Variants in ACTN2 observed in about 807,000 individuals in gnomAD.
The protein encoded by ACTN2 is actinin alpha 2, also known as alpha-actinin-2.
A neutral mutation model predicts 113.8 loss-of-function variants in ACTN2; 39 were observed. The ratio of observed to expected loss-of-function variants is 0.34; its 90% CI spans 0.27 to 0.45. The LOEUF is 0.45. Among genes scored for constraint, ACTN2 ranks in the 20% least tolerant of loss-of-function variants. ACTN2 has a pLI of 1.00. For synonymous variants in ACTN2, 429 were observed against 444.1 expected, an observed-to-expected ratio of 0.97 and a Z score of 0.43; for missense variants, 992 against 1,177.9, an observed-to-expected ratio of 0.84 and a Z score of 2.31.
At chr1:236,711,464 T>C (rs1307042634) in intron 1 of ACTN2, among the ~76,000 whole-genome samples, 1 of 152,190 alleles carries the variant, frequency 6.6e-6, no homozygotes, top group African/African-American at 2.4e-5. Flanking sequence ...GATTCTTGCC[T>C]CAGTCTCCTG....
At chr1:236,759,462 T>C (rs958778910) in intron 18 of ACTN2, among the ~76,000 whole-genome samples, 8 of 152,172 alleles carry the variant, frequency 5.3e-5, no homozygotes, top group African/African-American at 1.9e-4. Context: ...TCCTGACTAG[T>C]TCCTTTTGCT....
intron 5 of ACTN2, among the ~76,000 whole-genome samples, chr1:236,727,086 G>A (rs1658573603): frequency 6.6e-6 from 1 of 152,124 alleles, no homozygotes; most frequent in Admixed American, 6.5e-5. Context: ...GGGGCATTTA[G>A]AGCTGGTGTC....
intron 1 of ACTN2, among the ~76,000 whole-genome samples, chr1:236,701,086 G>A (rs115903367): frequency 0.016 from 2,454 of 152,222 alleles, 20 homozygotes; most frequent in Middle Eastern, 0.054. Context: ...AGGTTTGTCC[G>A]GGACAATCCC....
At chr1:236,727,162 C>A (rs1245133691) in intron 5 of ACTN2, among the ~76,000 whole-genome samples, 1 of 134,954 alleles carries the variant, frequency 7.4e-6, no homozygotes, top group African/African-American at 2.7e-5. Flanking sequence ...CACCTACATG[C>A]CTTTGCCTTA....
At chr1:236,748,621 T>G (rs1286065724) in intron 13 of ACTN2, among the ~76,000 whole-genome samples, 1 of 152,220 alleles carries the variant, frequency 6.6e-6, no homozygotes, top group Admixed American at 6.5e-5. Context: ...AGAGGTGATC[T>G]GTGTTAAATC....
At chr1:236,691,378 C>A (rs895663388) in intron 1 of ACTN2, among the ~76,000 whole-genome samples, 1 of 152,022 alleles carries the variant, frequency 6.6e-6, no homozygotes, top group African/African-American at 2.4e-5. Flanking sequence ...TGCAGTGGCT[C>A]ATGCCTGTAA....
chr1:236,719,465 T>A (rs1658319597), intron 3 of ACTN2, among the ~76,000 whole-genome samples: 1 of 152,222 alleles, frequency 6.6e-6, no homozygotes, highest in African/African-American at 2.4e-5. Context: ...AGGGTAAAGA[T>A]GAGACTGTGT....
intron 10 of ACTN2, among the ~76,000 whole-genome samples, chr1:236,741,964 C>G (rs188011142): frequency 5.3e-5 from 8 of 152,334 alleles, no homozygotes; most frequent in East Asian, 3.9e-4. Context: ...TGCCACACCC[C>G]CTGCCTGCCG....
At chr1:236,713,470 A>G (rs1480866003) in intron 1 of ACTN2, among the ~76,000 whole-genome samples, 1 of 152,010 alleles carries the variant, frequency 6.6e-6, no homozygotes, top group Non-Finnish European at 1.5e-5. Context: ...CAAGTGATCC[A>G]CCCACTTTGG....
Position 236,739,552 on chromosome 1 carries a change from CCCT to C in ACTN2, c.1107+24_1107+26del, listed in dbSNP as rs1659005018. On this transcript the variant is annotated intron_variant, in intron 10 of 20. Transcript: ENST00000366578. ...GTGTCGGTGAGTAGCAAGCGCCAAG[CCCT>C]CCTGGCGCCACGGGAAGCCCTCCTT... The C allele has an allele frequency of 6.2e-7, 1 of 1,612,718 alleles. No homozygotes were observed. Among genetic ancestry groups the C allele is most frequent in the African/African-American group, 1.3e-5 (1 of 75,042 alleles).
chr1:236,744,981 C>T (rs1167920608), intron 12 of ACTN2, among the ~76,000 whole-genome samples: 1 of 152,154 alleles, frequency 6.6e-6, no homozygotes, highest in African/African-American at 2.4e-5. Flanking sequence ...TACCATCCAG[C>T]AGCACCCCGG....
At chr1:236,733,621 C>T (rs61831766) in intron 7 of ACTN2, among the ~76,000 whole-genome samples, 11 of 152,114 alleles carry the variant, frequency 7.2e-5, no homozygotes, top group Non-Finnish European at 1.0e-4. Context: ...GGCCACCTAG[C>T]GTGTAGAGCG....
intron 1 of ACTN2, among the ~76,000 whole-genome samples, chr1:236,716,422 T>C (rs138696821): frequency 1.1e-4 from 17 of 152,256 alleles, no homozygotes; most frequent in African/African-American, 3.6e-4. Flanking sequence ...CTAATCTGGT[T>C]TTGGCAGGAA....
At chr1:236,687,125 C>T (rs1308040110) in intron 1 of ACTN2, among the ~76,000 whole-genome samples, 1 of 152,070 alleles carries the variant, frequency 6.6e-6, no homozygotes, top group Non-Finnish European at 1.5e-5. Context: ...GACCTTGGCC[C>T]CCGAGTTATA....
chr1:236,741,186 A>C (rs924258250), intron 10 of ACTN2, among the ~76,000 whole-genome samples: 1 of 152,076 alleles, frequency 6.6e-6, no homozygotes, highest in African/African-American at 2.4e-5. Context: ...CTGGGACTAC[A>C]CGCACATCCC....
chr1:236,754,079 G>A lies in ACTN2; in HGVS notation c.1972G>A (p.Glu658Lys), dbSNP rs374135486. The A allele has an allele frequency of 6.2e-7, 1 of 1,613,808 alleles. No homozygotes were observed. Among genetic ancestry groups the A allele is most frequent in the Admixed American group, 1.7e-5 (1 of 60,008 alleles). Residue 658 changes from glutamate to lysine, a missense_variant and splice_region_variant, in exon 16 of 21, where the codon GAG becomes AAG. By Grantham distance (56) the Glu-to-Lys change is moderately conservative. This residue lies in a region of ACTN2 where 736 missense variants were observed against 815.4 expected (regional missense o/e 0.90). Coordinates refer to ENST00000366578, the MANE Select transcript of ACTN2 (RefSeq NM_001103.4). This position sits in a 1 kb window ranked among gnomAD's most constrained non-coding sequence, Gnocchi z 4.9. ...TGGGCCCTGGATCCAGAACAAGATG[G>A]AGGTAAGCCAGCGCCCTCCCAGGCG... Reference protein sequence around the residue: ...AIGPWIQNKMEEIARSSIQIT... With the variant: ...AIGPWIQNKMKEIARSSIQIT...
intron 4 of ACTN2, among the ~76,000 whole-genome samples, chr1:236,721,022 G>T (rs12752366): frequency 0.63 from 42,004 of 66,362 alleles, 16,874 homozygotes; most frequent in South Asian, 0.68. Context: ...TTTGTTTTTT[G>T]TTTTTTTTTT....
At chr1:236,726,791 G>A (rs1445810342) in intron 5 of ACTN2, among the ~76,000 whole-genome samples, 2 of 152,142 alleles carry the variant, frequency 1.3e-5, no homozygotes, top group African/African-American at 4.8e-5. Context: ...GAAGACAAAG[G>A]GGAAGAGAAT....
intron 7 of ACTN2, 99 bp downstream of exon 7, chr1:236,731,413 C>T (rs1008850231): frequency 2.3e-5 from 21 of 923,148 alleles, no homozygotes; most frequent in Non-Finnish European, 3.4e-5. Flanking sequence ...AGCGAAGTTA[C>T]ATCCGAAGTA....
Sources: gnomAD v4.1 joint callset for allele counts (sites outside exome capture counted in the v4.1 genomes callset) on GRCh38, gnomAD v4.1.1 for gene constraint, gnomAD v4.1.1 regional missense constraint, Gnocchi (gnomAD v3.1) non-coding constraint, MANE v1.5 for transcripts, NCBI Gene and HGNC (gene_info 2026-07-23, HGNC 2026-07-21) for gene names.